The following SCFD2 variants were observed in gnomAD, a reference collection of about 807,000 sequenced individuals.
SCFD2 encodes the protein sec1 family domain-containing protein 2.
In SCFD2, 54 loss-of-function variants were observed where a neutral mutation model predicts 58.9. The observed-to-expected ratio is 0.92, with a 90% CI of 0.74 to 1.15. SCFD2 has a LOEUF of 1.15. Among genes scored for constraint, SCFD2 ranks in the 50% most tolerant of loss-of-function variants. SCFD2 has a pLI of 0.00. For missense variants in SCFD2, 805 were observed against 836.6 expected (o/e 0.96, Z 0.47); for synonymous variants, 321 against 335.9 (o/e 0.96, Z 0.49).
intron 5 of SCFD2, among the ~76,000 whole-genome samples, chr4:53,093,250 G>A (rs1724523085): frequency 6.6e-6 from 1 of 152,060 alleles, no homozygotes; most frequent in Non-Finnish European, 1.5e-5. Context: ...CAAATGATAG[G>A]TGTTCAGCAA....
intron 4 of SCFD2, among the ~76,000 whole-genome samples, chr4:53,249,537 G>T (rs1730267295): frequency 6.6e-6 from 1 of 152,152 alleles, no homozygotes; most frequent in Non-Finnish European, 1.5e-5. Flanking sequence ...AGGAAAAAAT[G>T]TTAAGGGCAG....
At chr4:52,888,453 C>T (rs950915121) in intron 7 of SCFD2, among the ~76,000 whole-genome samples, 6 of 152,220 alleles carry the variant, frequency 3.9e-5, no homozygotes, top group African/African-American at 1.4e-4. Flanking sequence ...AATTTGTCAA[C>T]TGCTTTCTTC....
intron 1 of SCFD2, among the ~76,000 whole-genome samples, chr4:53,358,300 G>T (rs1734455648): frequency 6.6e-6 from 1 of 152,070 alleles, no homozygotes; most frequent in Admixed American, 6.6e-5. Context: ...AGGCTGAGGT[G>T]GGCAGATCAC....
chr4:52,946,982 G>T (rs1720447252), intron 5 of SCFD2, among the ~76,000 whole-genome samples: 1 of 152,094 alleles, frequency 6.6e-6, no homozygotes, highest in Non-Finnish European at 1.5e-5. Flanking sequence ...TCCAGCCCAT[G>T]CAGGCTGCTC....
intron 4 of SCFD2, among the ~76,000 whole-genome samples, chr4:53,269,029 A>G (rs1014116146): frequency 6.6e-5 from 10 of 152,206 alleles, no homozygotes; most frequent in Non-Finnish European, 1.3e-4. Flanking sequence ...GACTAGAGCT[A>G]TGATATTAGA....
At chr4:53,214,377 A>G (rs371606969) in intron 4 of SCFD2, among the ~76,000 whole-genome samples, 9 of 151,800 alleles carry the variant, frequency 5.9e-5, no homozygotes, top group African/African-American at 2.2e-4. Flanking sequence ...TCTCATTGTG[A>G]TTTTGATTTG....
chr4:53,334,604 G>A (rs1187304573), intron 2 of SCFD2, among the ~76,000 whole-genome samples: 1 of 149,456 alleles, frequency 6.7e-6, no homozygotes, highest in Non-Finnish European at 1.5e-5. Context: ...ACTGTGGTGG[G>A]GTGGGGGGAA....
At chr4:53,052,203 C>G (rs772245286) in intron 5 of SCFD2, among the ~76,000 whole-genome samples, 8 of 152,224 alleles carry the variant, frequency 5.3e-5, no homozygotes, top group Non-Finnish European at 1.0e-4. Flanking sequence ...TCTCCCCTTA[C>G]TCTCTTCACT....
chr4:53,139,728 C>T (rs1726068473), intron 5 of SCFD2, among the ~76,000 whole-genome samples: 1 of 152,236 alleles, frequency 6.6e-6, no homozygotes, highest in Non-Finnish European at 1.5e-5. Context: ...TCATTGAGAA[C>T]AGGCCATGAT....
chr4:53,013,842 G>T (rs939482779), intron 5 of SCFD2, among the ~76,000 whole-genome samples: 4 of 152,004 alleles, frequency 2.6e-5, no homozygotes, highest in African/African-American at 9.7e-5. Context: ...CTGAAGGAAA[G>T]GTATTATTGC....
intron 5 of SCFD2, among the ~76,000 whole-genome samples, chr4:53,041,394 G>A (rs1722896509): frequency 6.6e-6 from 1 of 152,054 alleles, no homozygotes; most frequent in East Asian, 1.9e-4. Context: ...AGATTTAAAG[G>A]GTTTCTGTGG....
At chr4:53,252,979 A>C (rs1730455007) in intron 4 of SCFD2, among the ~76,000 whole-genome samples, 1 of 152,232 alleles carries the variant, frequency 6.6e-6, no homozygotes, top group Non-Finnish European at 1.5e-5. Flanking sequence ...AAATTTTTGC[A>C]ACCTACTCAT....
At chr4:53,189,517 G>T (rs181608272) in intron 4 of SCFD2, among the ~76,000 whole-genome samples, 1 of 152,184 alleles carries the variant, frequency 6.6e-6, no homozygotes. Context: ...TTCCTTCTTG[G>T]CTGTATCCTT....
intron 4 of SCFD2, among the ~76,000 whole-genome samples, chr4:53,191,990 A>G (rs1325911203): frequency 1.3e-5 from 2 of 152,146 alleles, no homozygotes; most frequent in Admixed American, 1.3e-4. Flanking sequence ...AGTAATATTA[A>G]CATTTAATGT....
intron 5 of SCFD2, among the ~76,000 whole-genome samples, chr4:53,012,398 A>ACAC (rs1196669656): frequency 6.6e-6 from 1 of 151,596 alleles, no homozygotes; most frequent in African/African-American, 2.4e-5. Context: ...ACACACACAC[A>ACAC]AAAGGCAGGG....
chr4:52,938,745 A>C (rs917868963), intron 5 of SCFD2, among the ~76,000 whole-genome samples: 2 of 152,210 alleles, frequency 1.3e-5, no homozygotes, highest in Admixed American at 6.5e-5. Flanking sequence ...TTTGTTCAAC[A>C]ATCTTCACTC....
chr4:53,300,577 C>T (rs963279387), intron 3 of SCFD2, among the ~76,000 whole-genome samples: 29 of 152,154 alleles, frequency 1.9e-4, no homozygotes, highest in Non-Finnish European at 3.4e-4. Context: ...AGGAATTGAA[C>T]GCAGCTCTGC....
intron 4 of SCFD2, among the ~76,000 whole-genome samples, chr4:53,195,679 C>T (rs1728037462): frequency 6.6e-6 from 1 of 152,138 alleles, no homozygotes; most frequent in Non-Finnish European, 1.5e-5. Flanking sequence ...ATCGTACGAA[C>T]AACTGATTCA....
At chr4:52,910,272 T>A (rs1477519432) in intron 6 of SCFD2, among the ~76,000 whole-genome samples, 1 of 152,236 alleles carries the variant, frequency 6.6e-6, no homozygotes, top group Non-Finnish European at 1.5e-5. Context: ...CTCTGCTGGC[T>A]GGAATGTAGA....
Sources: allele counts gnomAD v4.1 joint callset (sites outside exome capture counted in the v4.1 genomes callset), GRCh38; gene constraint gnomAD v4.1.1; transcripts MANE v1.5; gene names NCBI Gene and HGNC (gene_info 2026-07-23, HGNC 2026-07-21).